WWOX: variants seen among roughly 807,000 people sequenced by gnomAD.
WWOX encodes the protein WW domain-containing oxidoreductase.
WWOX carries 69 observed loss-of-function variants against 46.2 expected under a neutral mutation model. The observed-to-expected ratio is 1.49, with a 90% CI of 1.23 to 1.82. The LOEUF (loss-of-function observed/expected upper bound fraction) is 1.82. WWOX is among the 40% of genes most tolerant of loss of function. The pLI is 0.00. For missense variants in WWOX, 919 were observed against 542.6 expected (o/e 1.69, Z -6.89); for synonymous variants, 359 against 202.6 (o/e 1.77, Z -6.56).
At chr16:79,064,907 A>G (rs1430797798) in intron 8 of WWOX, among the ~76,000 whole-genome samples, 1 of 152,210 alleles carries the variant, frequency 6.6e-6, no homozygotes, top group Non-Finnish European at 1.5e-5. Context: ...TTTATAACGG[A>G]CGTTCTGATG....
chr16:79,011,633 C>G (rs988046932), intron 8 of WWOX, among the ~76,000 whole-genome samples: 1 of 151,722 alleles, frequency 6.6e-6, no homozygotes, highest in African/African-American at 2.4e-5. Flanking sequence ...ACTGGGACTA[C>G]TGTGATGTGC....
Position 78,976,598 on chromosome 16 carries a change from G to A in WWOX, c.1057-235010G>A, listed in dbSNP as rs566904911. Among the ~76,000 whole-genome samples, 103 of 152,288 alleles carry A rather than the reference G, an allele frequency of 6.8e-4. 1 individual carries two copies. The South Asian group carries it at 0.019, about 28-fold the overall frequency. On this transcript the variant is annotated intron_variant, in intron 8 of 8. Coordinates refer to ENST00000566780, the MANE Select transcript of WWOX (RefSeq NM_016373.4). ...ATCTTGCAGCTGCGAAAAGCATGGC[G>A]TTGCGTTTCCAAGCCTGAACATCCA...
At chr16:78,910,660 C>A (rs1438528984) in intron 8 of WWOX, among the ~76,000 whole-genome samples, 1 of 151,830 alleles carries the variant, frequency 6.6e-6, no homozygotes, top group Non-Finnish European at 1.5e-5. Flanking sequence ...TGGCAGAAGG[C>A]AAACAAGGAG....
intron 8 of WWOX, among the ~76,000 whole-genome samples, chr16:78,711,106 T>G (rs73577394): frequency 1.3e-5 from 2 of 152,184 alleles, no homozygotes; most frequent in African/African-American, 4.8e-5. Flanking sequence ...CCAACACGTT[T>G]CTTTAAAGCC....
chr16:78,505,866 A>G (rs555709577), intron 8 of WWOX, among the ~76,000 whole-genome samples: 118 of 152,292 alleles, frequency 7.7e-4, no homozygotes, highest in African/African-American at 2.7e-3. Context: ...CTCCAGGGCC[A>G]TGGAGGAAGA....
At chr16:78,424,311 G>A (rs1597214900) in intron 6 of WWOX, among the ~76,000 whole-genome samples, 2 of 151,750 alleles carry the variant, frequency 1.3e-5, no homozygotes, top group Admixed American at 6.6e-5. Context: ...ACAGAGATGG[G>A]GTTTCACCAT....
At chr16:78,960,494 A>C (rs2046252156) in intron 8 of WWOX, among the ~76,000 whole-genome samples, 1 of 152,202 alleles carries the variant, frequency 6.6e-6, no homozygotes. Context: ...AATCTACTGG[A>C]GATTACAACT....
At chr16:78,842,396 G>A (rs562131026) in intron 8 of WWOX, among the ~76,000 whole-genome samples, 17 of 151,924 alleles carry the variant, frequency 1.1e-4, no homozygotes, top group South Asian at 2.1e-4. Flanking sequence ...TGAGCTGCTC[G>A]GGAGGCCAAG....
At chr16:78,249,285 A>G (rs997541185) in intron 5 of WWOX, among the ~76,000 whole-genome samples, 5 of 152,326 alleles carry the variant, frequency 3.3e-5, no homozygotes, top group Middle Eastern at 6.8e-3. Flanking sequence ...GCATTAATGC[A>G]AAGCTGCACT....
chr16:78,322,185 T>C (rs544889859), intron 5 of WWOX, among the ~76,000 whole-genome samples: 3 of 152,194 alleles, frequency 2.0e-5, no homozygotes, highest in African/African-American at 7.2e-5. Flanking sequence ...GGACAAACAA[T>C]TCGAAAGAGC....
chr16:78,688,491 A>G (rs1019483585), intron 8 of WWOX, among the ~76,000 whole-genome samples: 2 of 152,080 alleles, frequency 1.3e-5, no homozygotes, highest in Admixed American at 6.6e-5. Context: ...TTGAGAGAAT[A>G]GAAACTTTTG....
At chr16:78,851,205 C>A (rs1319026318) in intron 8 of WWOX, among the ~76,000 whole-genome samples, 1 of 152,152 alleles carries the variant, frequency 6.6e-6, no homozygotes, top group Non-Finnish European at 1.5e-5. Flanking sequence ...GTAGGTCTTT[C>A]TGTTAGGTAC....
chr16:79,156,583 TA>T (rs1241154391), intron 8 of WWOX, among the ~76,000 whole-genome samples: 1 of 152,116 alleles, frequency 6.6e-6, no homozygotes, highest in Non-Finnish European at 1.5e-5. Flanking sequence ...TAGTCAGAGT[TA>T]AAAACCAGAC....
At chr16:78,918,035 C>G (rs944185938) in intron 8 of WWOX, among the ~76,000 whole-genome samples, 1 of 152,044 alleles carries the variant, frequency 6.6e-6, no homozygotes, top group Non-Finnish European at 1.5e-5. Context: ...GACCCCACCT[C>G]TACAAAATAT....
At chr16:79,001,683 C>G (rs1282082117) in intron 8 of WWOX, among the ~76,000 whole-genome samples, 1 of 147,596 alleles carries the variant, frequency 6.8e-6, no homozygotes, top group Non-Finnish European at 1.5e-5. Context: ...GGAGAGATTT[C>G]AAATTGAGCT....
At chr16:78,650,358 C>T (rs564953163) in intron 8 of WWOX, among the ~76,000 whole-genome samples, 9 of 152,252 alleles carry the variant, frequency 5.9e-5, no homozygotes, top group Admixed American at 1.3e-4. Context: ...CTCTTAAATT[C>T]CATAAGCTGG....
chr16:78,406,305 T>TATAAATAC (rs1555533270), intron 6 of WWOX, among the ~76,000 whole-genome samples: 2 of 8,148 alleles, frequency 2.5e-4, no homozygotes, highest in South Asian at 5.0e-3. Flanking sequence ...TAAATATAAA[T>TATAAATAC]ATATATATAT....
intron 4 of WWOX, among the ~76,000 whole-genome samples, chr16:78,146,086 G>A (rs2034187969): frequency 6.6e-6 from 1 of 152,182 alleles, no homozygotes. Flanking sequence ...AATGGTGTGT[G>A]CTTAGGGGCA....
chr16:78,678,862 T>C lies in WWOX; in HGVS notation c.1056+246110T>C, dbSNP rs183711103. ...ATAAAGAGTCCCTGTGCTTCCCAGT[T>C]TACTCTGGAGACGACTGAGGCTCAC... is the stretch of plus-strand genomic sequence containing the variant. On this transcript the variant is annotated intron_variant, in intron 8 of 8. Coordinates refer to ENST00000566780, the MANE Select transcript of WWOX (RefSeq NM_016373.4). Among the ~76,000 whole-genome samples, 24 of 152,220 alleles carry C rather than the reference T, an allele frequency of 1.6e-4. No homozygotes were observed. In the East Asian group the frequency reaches 4.1e-3, roughly 26 times the overall value.
Sources: gnomAD v4.1 joint callset for allele counts (sites outside exome capture counted in the v4.1 genomes callset) on GRCh38, gnomAD v4.1.1 for gene constraint, MANE v1.5 for transcripts, NCBI Gene and HGNC (gene_info 2026-07-23, HGNC 2026-07-21) for gene names.